The following ATXN2 variants were observed in gnomAD, a reference collection of about 807,000 sequenced individuals.
ATXN2 encodes ataxin 2.
A neutral mutation model predicts 138.6 loss-of-function variants in ATXN2; 37 were observed. The observed-to-expected ratio is 0.27, with a 90% CI of 0.21 to 0.35. The LOEUF (loss-of-function observed/expected upper bound fraction) is 0.35, where lower values mean the gene tolerates loss of function less well. ATXN2 is among the 10% of genes least tolerant of loss of function. The pLI is 1.00. For missense variants in ATXN2, 1,216 were observed against 1,480.3 expected (o/e 0.82, Z 2.93); for synonymous variants, 549 against 543.7 (o/e 1.01, Z -0.13).
At chr12:111,569,795 A>C (rs1308600797) in intron 1 of ATXN2, among the ~76,000 whole-genome samples, 1 of 152,052 alleles carries the variant, frequency 6.6e-6, no homozygotes. Flanking sequence ...CCCTCTAGAG[A>C]AAGGGATAAA....
At chr12:111,523,009 G>A (rs780940372) in intron 6 of ATXN2, among the ~76,000 whole-genome samples, 6 of 151,592 alleles carry the variant, frequency 4.0e-5, no homozygotes, top group Non-Finnish European at 5.9e-5. Flanking sequence ...GGCCAGGTGC[G>A]GTGGCTCATG....
chr12:111,579,256 C>T (rs181788121), intron 1 of ATXN2, among the ~76,000 whole-genome samples: 9 of 152,090 alleles, frequency 5.9e-5, no homozygotes, highest in African/African-American at 2.2e-4. Flanking sequence ...AATATTCATA[C>T]CAGCTTTATT....
chr12:111,460,376 A>G (rs1262172840), intron 21 of ATXN2, among the ~76,000 whole-genome samples: 5 of 152,208 alleles, frequency 3.3e-5, no homozygotes, highest in Non-Finnish European at 7.3e-5. Context: ...GCCCAGCCAC[A>G]AAATGTTCTA....
At chr12:111,480,563 T>A (rs765042989) in intron 18 of ATXN2, among the ~76,000 whole-genome samples, 1 of 152,130 alleles carries the variant, frequency 6.6e-6, no homozygotes, top group Non-Finnish European at 1.5e-5. Flanking sequence ...TAATTCCAGC[T>A]ACTCAGGAGG....
chr12:111,459,681 C>T (rs138525463), intron 21 of ATXN2, among the ~76,000 whole-genome samples: 4,304 of 152,098 alleles, frequency 0.028, 86 homozygotes, highest in Middle Eastern at 0.044. Flanking sequence ...CTCAAGTGAT[C>T]CATCCGCCTC....
In ATXN2 at chr12:111,599,286, A is replaced by C; in HGVS notation, c.-252T>G. ...CCGCCGCCGTTGCCGTTGCTACCAA[A>C]ACAGTCTGAGGCGGAGGGAGGCGAG... On this transcript the variant is annotated 5_prime_UTR_variant, in exon 1 of 25. Coordinates refer to ENST00000673436, the MANE Select transcript of ATXN2 (RefSeq NM_001372574.1). The C allele has an allele frequency of 2.9e-6, 3 of 1,044,488 alleles. No individual in the cohort carries two copies. Among genetic ancestry groups the C allele is most frequent in the Non-Finnish European group, 3.4e-6 (3 of 873,156 alleles). The allele number at this position is 1,044,488 out of a possible 1,614,324, so 64.7% of individuals were successfully genotyped here.
At chr12:111,457,083 C>G in intron 22 of ATXN2, 131 bp downstream of exon 22, 1 of 1,165,766 alleles carries the variant, frequency 8.6e-7, no homozygotes, top group Non-Finnish European at 1.2e-6. Context: ...ACCCCAGGGG[C>G]ACAGCTGTAT....
In ATXN2 at chr12:111,553,701, A is replaced by G. The variant is rs1173063075; in HGVS notation, c.348+457T>C. Among the ~76,000 whole-genome samples the G allele has an allele frequency of 2.7e-5, 4 of 146,192 alleles. No individual in the cohort carries two copies. The East Asian group carries it at 9.3e-4, about 34-fold the overall frequency. On this transcript the variant is annotated intron_variant, in intron 3 of 24. Coordinates refer to ENST00000673436, the MANE Select transcript of ATXN2 (RefSeq NM_001372574.1). ...GTGAAACCTCCACCTCCCAGGCTCA[A>G]ACAATCCTCCCACGTCAGCCTCCCA...
At chr12:111,578,666 C>T (rs1057328253) in intron 1 of ATXN2, among the ~76,000 whole-genome samples, 1 of 152,136 alleles carries the variant, frequency 6.6e-6, no homozygotes, top group African/African-American at 2.4e-5. Context: ...CATAGTTTCT[C>T]ATCACCAAAG....
rs1203008228 is a variant in ATXN2, at chr12:111,595,843, T to G, written c.251+2941A>C. On this transcript the variant is annotated intron_variant, in intron 1 of 24. Transcript: ENST00000673436. ...GGGAGGCCGAGGCTGGCGAATCACT[T>G]GAGGTCAGGAGGAGTTCGAGACCAG... Among the ~76,000 whole-genome samples, 3 of 147,262 alleles carry G rather than the reference T, an allele frequency of 2.0e-5. No homozygotes were observed. In the East Asian group the frequency reaches 5.8e-4, roughly 28 times the overall value.
intron 14 of ATXN2, among the ~76,000 whole-genome samples, chr12:111,501,069 C>A (rs941473472): frequency 2.0e-5 from 3 of 151,968 alleles, no homozygotes; most frequent in African/African-American, 7.3e-5. Flanking sequence ...ACCCCATTTA[C>A]CCTAATGTGA....
chr12:111,542,376 G>A (rs565755698), intron 5 of ATXN2, among the ~76,000 whole-genome samples: 3 of 151,804 alleles, frequency 2.0e-5, no homozygotes, highest in Admixed American at 6.6e-5. Flanking sequence ...GATTACAGGT[G>A]CCCGTCACCT....
chr12:111,508,234 C>T (rs564825469), intron 14 of ATXN2, among the ~76,000 whole-genome samples: 8 of 151,160 alleles, frequency 5.3e-5, no homozygotes, highest in Non-Finnish European at 1.0e-4. Flanking sequence ...TATTCATATG[C>T]AGTATAAATA....
intron 1 of ATXN2, among the ~76,000 whole-genome samples, chr12:111,594,700 G>T (rs1312489369): frequency 6.6e-6 from 1 of 151,996 alleles, no homozygotes; most frequent in Admixed American, 6.6e-5. Context: ...AGAAGAAGAA[G>T]AGTCAACCAG....
chr12:111,599,532 G>A, upstream of ATXN2: 6 of 1,206,524 alleles, frequency 5.0e-6, no homozygotes, highest in South Asian at 3.7e-5. Flanking sequence ...CGGGCGCGCC[G>A]AGGCGCCGGG....
At chr12:111,530,928 C>T (rs533161632) in intron 5 of ATXN2, among the ~76,000 whole-genome samples, 98 of 151,070 alleles carry the variant, frequency 6.5e-4, no homozygotes, top group Non-Finnish European at 1.3e-3. Flanking sequence ...GAGTTCGAGA[C>T]CAGCCTGACC....
At chr12:111,558,372 T>C (rs372496239) in intron 1 of ATXN2, among the ~76,000 whole-genome samples, 2 of 152,206 alleles carry the variant, frequency 1.3e-5, no homozygotes, top group East Asian at 1.9e-4. Context: ...CAAGAGCATA[T>C]TTTAGACCTA....
intron 18 of ATXN2, among the ~76,000 whole-genome samples, chr12:111,474,864 A>G (rs1566012475): frequency 2.6e-5 from 4 of 151,916 alleles, no homozygotes; most frequent in Admixed American, 2.0e-4. Flanking sequence ...CGGGTGGATC[A>G]TTTGAGGTCA....
At chr12:111,533,471 T>C (rs538287682) in intron 5 of ATXN2, among the ~76,000 whole-genome samples, 18 of 152,272 alleles carry the variant, frequency 1.2e-4, no homozygotes, top group Middle Eastern at 3.4e-3. Context: ...AGAAAAAAAG[T>C]CTGTACATGT....
Sources: gnomAD v4.1 joint callset for allele counts (sites outside exome capture counted in the v4.1 genomes callset) on GRCh38, gnomAD v4.1.1 for gene constraint, MANE v1.5 for transcripts, NCBI Gene and HGNC (gene_info 2026-07-23, HGNC 2026-07-21) for gene names.